Variants in FAM53A observed in about 807,000 individuals in gnomAD.
FAM53A encodes the protein protein FAM53A.
Under a neutral mutation model 26.6 loss-of-function variants are expected in FAM53A, and 28 were observed. That is an observed-to-expected ratio of 1.05 (90% CI 0.78 to 1.45). The LOEUF is 1.45. Ranked by LOEUF, FAM53A falls within the 40% of genes most tolerant of loss-of-function variation. The pLI is 0.00. For synonymous variants in FAM53A, 290 were observed against 253.1 expected, an observed-to-expected ratio of 1.15 and a Z score of -1.38; for missense variants, 650 against 575.8, an observed-to-expected ratio of 1.13 and a Z score of -1.32.
the FAM53A span, among the ~76,000 whole-genome samples, chr4:1,594,818 G>A: frequency 6.6e-6 from 1 of 152,188 alleles, no homozygotes; most frequent in African/African-American, 2.4e-5. Context: ...ACTTCAGCCT[G>A]GGCAACAGAG....
rs1163260549 is a variant in FAM53A at position 1,634,146 on chromosome 4, T to C, written c.432-16035A>G. Among the ~76,000 whole-genome samples, 6 of 152,240 alleles carry C rather than the reference T, an allele frequency of 3.9e-5. No homozygotes were observed. In the East Asian group the frequency reaches 5.8e-4, roughly 15 times the overall value. On this transcript the variant is annotated intron_variant, in intron 1 of 1. Coordinates refer to the FAM53A transcript ENST00000489029. ...TTCACTGGCTGTCCGGGAAACTGGA[T>C]TGGAGCCCACAGTGGACTCTGCCTG...
Position 1,640,483 on chromosome 4 carries a change from A to C in FAM53A, c.*810T>G, listed in dbSNP as rs1386215177. ...TTAATCTGTTTGCAGATTCATGTTT[A>C]ATAGAACGCCCTTCTGAAATGCATC... is the stretch of plus-strand genomic sequence containing the variant. On this transcript the variant is annotated 3_prime_UTR_variant, in exon 5 of 5. Coordinates refer to ENST00000308132, the MANE Select transcript of FAM53A (RefSeq NM_001174070.3). 1 of 297,548 alleles carries C rather than the reference A, an allele frequency of 3.4e-6. No individual in the cohort carries two copies. Among genetic ancestry groups the C allele is most frequent in the Non-Finnish European group, 6.3e-6 (1 of 158,240 alleles). The allele number at this position is 297,548 out of a possible 1,614,324, so 18.4% of individuals were successfully genotyped here. A position where few individuals can be genotyped will look rare whatever the true frequency, so the allele number is the denominator to read the frequency against.
chr4:1,664,601 G>A (rs759129363), intron 2 of FAM53A, among the ~76,000 whole-genome samples: 6 of 152,198 alleles, frequency 3.9e-5, no homozygotes, highest in Non-Finnish European at 8.8e-5. Flanking sequence ...TGACATGGGA[G>A]AGCTGGTCTC....
rs936903163 is a variant in FAM53A, at chr4:1,630,850, C to T, written c.432-12739G>A. Among the ~76,000 whole-genome samples the T allele has an allele frequency of 6.6e-6, 1 of 152,144 alleles. No homozygotes were observed. The highest frequency in any genetic ancestry group is 2.4e-5 in the African/African-American group (1 of 41,434). ...GAGAGGCGGTGTCTGCACCATCTCA[C>T]GAATGTACTAAATGCCAGTTAACTG... is the stretch of plus-strand genomic sequence containing the variant. On this transcript the variant is annotated intron_variant, in intron 1 of 1. Transcript: ENST00000489029. This position sits in a 1 kb window ranked among gnomAD's most constrained non-coding sequence, Gnocchi z 4.3.
chr4:1,666,381 C>T (rs1245310958), intron 2 of FAM53A, among the ~76,000 whole-genome samples: 1 of 149,690 alleles, frequency 6.7e-6, no homozygotes, highest in Non-Finnish European at 1.5e-5. Context: ...GCACCTGCAC[C>T]CCCTGTATCT....
downstream of FAM53A, among the ~76,000 whole-genome samples, chr4:1,636,723 A>C (rs1005952017): frequency 3.9e-5 from 6 of 152,232 alleles, no homozygotes; most frequent in Non-Finnish European, 8.8e-5. Flanking sequence ...GTGCCTGCCC[A>C]AGACCTGGGT....
chr4:1,600,982 G>A, the FAM53A span, among the ~76,000 whole-genome samples: 1 of 152,152 alleles, frequency 6.6e-6, no homozygotes, highest in Admixed American at 6.5e-5. Flanking sequence ...GGAGGGAGGG[G>A]CCGAGAAGCT....
At chr4:1,675,951 G>A (rs1397450552) in intron 1 of FAM53A, among the ~76,000 whole-genome samples, 3 of 152,258 alleles carry the variant, frequency 2.0e-5, no homozygotes, top group Non-Finnish European at 2.9e-5. Context: ...GCCGCCTCAC[G>A]GGACAGCGGC....
the FAM53A span, among the ~76,000 whole-genome samples, chr4:1,576,687 G>C: frequency 0.058 from 8,808 of 152,292 alleles, 865 homozygotes; most frequent in African/African-American, 0.2. Context: ...TGGGCAGGCC[G>C]GGGACGCCGC....
At chr4:1,683,273 C>G (rs1018516822) in intron 1 of FAM53A, 3 of 152,180 alleles carry the variant, frequency 2.0e-5, no homozygotes, top group African/African-American at 2.4e-5. Context: ...CTTCAGGGTG[C>G]AAGGGTGCAC....
intron 4 of FAM53A, among the ~76,000 whole-genome samples, chr4:1,647,110 G>A (rs1213131516): frequency 6.6e-6 from 1 of 152,056 alleles, no homozygotes; most frequent in Non-Finnish European, 1.5e-5. Flanking sequence ...TGAGGTGGGT[G>A]GATTTCCTGA....
At chr4:1,575,045 C>A in the FAM53A span, among the ~76,000 whole-genome samples, 12 of 152,234 alleles carry the variant, frequency 7.9e-5, no homozygotes, top group Admixed American at 4.6e-4. Flanking sequence ...AGTCCCCACG[C>A]AGTGAAGGGG....
intron 1 of FAM53A, among the ~76,000 whole-genome samples, chr4:1,622,374 T>C (rs1715080361): frequency 6.6e-6 from 1 of 152,092 alleles, no homozygotes. Context: ...TGGATCTGGC[T>C]GGGGTGGGCA....
chr4:1,650,999 ACGAGGTGAGGAGTT>A (rs111248321), intron 4 of FAM53A, among the ~76,000 whole-genome samples: 9 of 150,038 alleles, frequency 6.0e-5, no homozygotes, highest in African/African-American at 2.0e-4. Context: ...CGGGTGGATC[ACGAGGTGAGGAGTT>A]CGAGACCAGC....
Position 1,663,282 on chromosome 4 carries a change from C to A in FAM53A, c.75+5385G>T, listed in dbSNP as rs1432897089. On this transcript the variant is annotated intron_variant, in intron 2 of 4. Transcript: ENST00000308132. ...CACTGTGGAAAACAGTTTGGCAGTT[C>A]CTCAAAATGTTAAACATAGAATCAC... 2.6e-5 allele frequency among the ~76,000 whole-genome samples: 4 copies of A among 152,166 alleles called. No individual in the cohort carries two copies. The East Asian group carries it at 7.7e-4, about 29-fold the overall frequency.
the FAM53A span, among the ~76,000 whole-genome samples, chr4:1,604,632 C>G: frequency 6.6e-6 from 1 of 152,150 alleles, no homozygotes; most frequent in Admixed American, 6.5e-5. Flanking sequence ...CACCCTACTT[C>G]CCCCAGGACA....
At chr4:1,626,972 C>G (rs1577086603) in intron 1 of FAM53A, among the ~76,000 whole-genome samples, 1 of 152,186 alleles carries the variant, frequency 6.6e-6, no homozygotes, top group South Asian at 2.1e-4. Flanking sequence ...TGCCTGAGGG[C>G]AGGGGCTGTG....
At chr4:1,681,602 T>G (rs1163540301) in intron 1 of FAM53A, among the ~76,000 whole-genome samples, 1 of 149,762 alleles carries the variant, frequency 6.7e-6, no homozygotes, top group Non-Finnish European at 1.5e-5. Flanking sequence ...GCTGAAGCAA[T>G]CCTCCCACCT....
chr4:1,641,713 C>CTGTA, intron 4 of FAM53A, 106 bp from the exon 5 acceptor site: 1 of 1,140,196 alleles, frequency 8.8e-7, no homozygotes, highest in East Asian at 2.3e-5. Context: ...CTGGCCATCC[C>CTGTA]CAAGACCACA....
Sources: gnomAD v4.1 joint callset for allele counts (sites outside exome capture counted in the v4.1 genomes callset) on GRCh38, gnomAD v4.1.1 for gene constraint, Gnocchi (gnomAD v3.1) non-coding constraint, MANE v1.5 for transcripts, NCBI Gene and HGNC (gene_info 2026-07-23, HGNC 2026-07-21) for gene names.